The following KHDRBS2 variants were observed in gnomAD, a reference collection of about 807,000 sequenced individuals.
KHDRBS2 encodes KH RNA binding domain containing, signal transduction associated 2.
KHDRBS2 carries 26 observed loss-of-function variants against 44.3 expected under a neutral mutation model. The observed-to-expected ratio is 0.59, with a 90% CI of 0.43 to 0.81. KHDRBS2 has a LOEUF of 0.81. Among genes scored for constraint, KHDRBS2 ranks in the 40% least tolerant of loss-of-function variants. KHDRBS2 has a pLI of 0.00. For missense variants in KHDRBS2, 476 were observed against 433.1 expected, an observed-to-expected ratio of 1.10 and a Z score of -0.88; for synonymous variants, 194 against 151.1, an observed-to-expected ratio of 1.28 and a Z score of -2.08.
At chr6:61,961,412 A>G (rs1371546106) in intron 4 of KHDRBS2, among the ~76,000 whole-genome samples, 1 of 151,002 alleles carries the variant, frequency 6.6e-6, no homozygotes, top group East Asian at 1.9e-4. Flanking sequence ...AAGAAAAGAG[A>G]AAGAAGGAAG....
chr6:62,055,541 C>G (rs1221823299), intron 2 of KHDRBS2, among the ~76,000 whole-genome samples: 1 of 151,896 alleles, frequency 6.6e-6, no homozygotes, highest in African/African-American at 2.4e-5. Flanking sequence ...ATCCATTTAC[C>G]TTATGCCTCA....
At chr6:62,143,415 TA>T (rs922414825) in intron 2 of KHDRBS2, among the ~76,000 whole-genome samples, 2 of 152,066 alleles carry the variant, frequency 1.3e-5, no homozygotes, top group Admixed American at 1.3e-4. Flanking sequence ...ATATATTTAA[TA>T]GACAAAGACA....
chr6:61,708,948 T>TA (rs1770038866), intron 7 of KHDRBS2, among the ~76,000 whole-genome samples: 1 of 151,664 alleles, frequency 6.6e-6, no homozygotes, highest in Non-Finnish European at 1.5e-5. Context: ...TATTTGAAAT[T>TA]AAAATTGAGA....
At chr6:61,885,437 T>G (rs1562368635) in intron 6 of KHDRBS2, among the ~76,000 whole-genome samples, 1 of 152,118 alleles carries the variant, frequency 6.6e-6, no homozygotes, top group Non-Finnish European at 1.5e-5. Flanking sequence ...ATTCAAATCT[T>G]ATTTCTCCTC....
chr6:61,939,988 T>C (rs1811824603), intron 4 of KHDRBS2, among the ~76,000 whole-genome samples: 1 of 152,136 alleles, frequency 6.6e-6, no homozygotes, highest in Non-Finnish European at 1.5e-5. Flanking sequence ...CCCATATTAT[T>C]AGCCATAAAT....
chr6:62,254,129 T>C (rs2150176823), intron 1 of KHDRBS2, among the ~76,000 whole-genome samples: 1 of 152,184 alleles, frequency 6.6e-6, no homozygotes, highest in East Asian at 1.9e-4. Flanking sequence ...AATTACATGA[T>C]AACATTTGTT....
chr6:62,152,980 G>A (rs1447207005), intron 2 of KHDRBS2, among the ~76,000 whole-genome samples: 14 of 152,284 alleles, frequency 9.2e-5, no homozygotes, highest in Middle Eastern at 3.4e-3. Context: ...TGATAGCATC[G>A]GGACTTTGGC....
intron 4 of KHDRBS2, among the ~76,000 whole-genome samples, chr6:61,929,691 C>T (rs986838466): frequency 6.6e-6 from 1 of 151,996 alleles, no homozygotes; most frequent in East Asian, 1.9e-4. Context: ...TGAAATATAA[C>T]AAAAAACACA....
chr6:61,761,507 C>G (rs1196116738), intron 6 of KHDRBS2, among the ~76,000 whole-genome samples: 1 of 152,056 alleles, frequency 6.6e-6, no homozygotes, highest in African/African-American at 2.4e-5. Flanking sequence ...TGAATATTTA[C>G]AAAATGGAAT....
chr6:61,754,716 T>C (rs1236635250), intron 6 of KHDRBS2, among the ~76,000 whole-genome samples: 1 of 152,022 alleles, frequency 6.6e-6, no homozygotes, highest in African/African-American at 2.4e-5. Context: ...GGACTGGATG[T>C]AAATCAAGAG....
intron 5 of KHDRBS2, among the ~76,000 whole-genome samples, chr6:61,899,039 C>T (rs539384364): frequency 9.5e-4 from 144 of 151,966 alleles, no homozygotes; most frequent in African/African-American, 3.3e-3. Flanking sequence ...TTTTTACTTT[C>T]AGTTATTATT....
At chr6:62,108,313 A>G (rs1360423142) in intron 2 of KHDRBS2, among the ~76,000 whole-genome samples, 1 of 152,250 alleles carries the variant, frequency 6.6e-6, no homozygotes, top group Admixed American at 6.5e-5. Context: ...TCAAAAGAAG[A>G]CATTTATGCA....
chr6:61,587,442 C>T, the KHDRBS2 span, among the ~76,000 whole-genome samples: 1 of 152,034 alleles, frequency 6.6e-6, no homozygotes, highest in African/African-American at 2.4e-5. Context: ...CCAACAGGAA[C>T]ATCTGCACTC....
the KHDRBS2 span, among the ~76,000 whole-genome samples, chr6:61,566,061 C>T: frequency 4.0e-3 from 603 of 151,354 alleles, 2 homozygotes; most frequent in Non-Finnish European, 5.1e-3. Context: ...ATTATGCAGC[C>T]ATACAAAAAA....
At chr6:61,585,550 C>A in the KHDRBS2 span, among the ~76,000 whole-genome samples, 1 of 152,188 alleles carries the variant, frequency 6.6e-6, no homozygotes, top group Non-Finnish European at 1.5e-5. Flanking sequence ...TTTGCAAGAT[C>A]TTTTCTGGAC....
At chr6:61,649,345 A>G in the KHDRBS2 span, among the ~76,000 whole-genome samples, 1 of 152,290 alleles carries the variant, frequency 6.6e-6, no homozygotes, top group South Asian at 2.1e-4. Flanking sequence ...ATGGCTAAAA[A>G]TATGTTTATG....
the KHDRBS2 span, among the ~76,000 whole-genome samples, chr6:61,582,344 A>G: frequency 6.6e-6 from 1 of 151,684 alleles, no homozygotes; most frequent in East Asian, 1.9e-4. Flanking sequence ...GAAATTTAAA[A>G]CAATAATATA....
intron 6 of KHDRBS2, among the ~76,000 whole-genome samples, chr6:61,889,391 A>G (rs1462302818): frequency 1.3e-5 from 2 of 152,254 alleles, no homozygotes; most frequent in East Asian, 3.9e-4. Context: ...TGAACCTTCA[A>G]CTTCCCTCGT....
At chr6:62,183,675 T>A (rs1256574560) in intron 1 of KHDRBS2, among the ~76,000 whole-genome samples, 1 of 151,602 alleles carries the variant, frequency 6.6e-6, no homozygotes, top group Admixed American at 6.6e-5. Context: ...ATGCAAGATA[T>A]AATTTTAGAA....
Sources: gnomAD v4.1 joint callset for allele counts (sites outside exome capture counted in the v4.1 genomes callset) on GRCh38, gnomAD v4.1.1 for gene constraint, MANE v1.5 for transcripts, NCBI Gene and HGNC (gene_info 2026-07-23, HGNC 2026-07-21) for gene names.